Variants in RHOU observed in about 807,000 individuals in gnomAD.
RHOU encodes the protein rho-related GTP-binding protein RhoU.
In RHOU, 8 loss-of-function variants were observed where a neutral mutation model predicts 12.6. The observed-to-expected ratio is 0.64, with a 90% CI of 0.37 to 1.15. The LOEUF (loss-of-function observed/expected upper bound fraction) is 1.15, where lower values mean the gene tolerates loss of function less well. RHOU is among the 50% of genes most tolerant of loss of function. The pLI is 0.01. For synonymous variants in RHOU, 161 were observed against 147.4 expected (o/e 1.09, Z -0.67); for missense variants, 258 against 347.0 (o/e 0.74, Z 2.04).
rs574319509 is a variant in RHOU, at chr1:228,744,770, T to C, written c.*1030T>C. On this transcript the variant is annotated 3_prime_UTR_variant, in exon 3 of 3. Transcript: ENST00000366691. Reference sequence around the variant, plus strand: ...ACCCATGCACACTCATGCACACAGATACATAGGTCTGTATGGCTGTATTTG... The same window carrying C: ...ACCCATGCACACTCATGCACACAGACACATAGGTCTGTATGGCTGTATTTG... 6.6e-6 allele frequency: 1 copy of C among 152,326 alleles called. No homozygotes were observed. Among genetic ancestry groups the C allele is most frequent in the African/African-American group, 2.4e-5 (1 of 41,578 alleles). 9.4% of individuals were successfully genotyped at this position (152,326 alleles called of 1,614,324 possible).
the RHOU span, among the ~76,000 whole-genome samples, chr1:228,710,206 T>C: frequency 3.9e-5 from 6 of 152,148 alleles, no homozygotes; most frequent in East Asian, 1.9e-4. Flanking sequence ...ACCAGATGGA[T>C]TCACAGCCAA....
At chr1:228,715,917 T>A in the RHOU span, among the ~76,000 whole-genome samples, 1 of 113,076 alleles carries the variant, frequency 8.8e-6, no homozygotes, top group Non-Finnish European at 1.9e-5. Context: ...AGTATGAACT[T>A]TTTTTTTTTT....
chr1:228,650,170 C>T, the RHOU span: 2 of 456,528 alleles, frequency 4.4e-6, no homozygotes, highest in African/African-American at 2.0e-5. Flanking sequence ...CGGTTAGGGC[C>T]TAGTTCCATC....
the RHOU span, among the ~76,000 whole-genome samples, chr1:228,675,783 C>T: frequency 6.6e-6 from 1 of 152,056 alleles, no homozygotes; most frequent in Non-Finnish European, 1.5e-5. Flanking sequence ...AGAGATCTTA[C>T]AGGAGTTTAT....
At chr1:228,715,521 T>G in the RHOU span, among the ~76,000 whole-genome samples, 1 of 152,138 alleles carries the variant, frequency 6.6e-6, no homozygotes. Flanking sequence ...TTCGGTAATA[T>G]TTATACTTTA....
chr1:228,652,983 G>C, the RHOU span, among the ~76,000 whole-genome samples: 1 of 152,156 alleles, frequency 6.6e-6, no homozygotes, highest in East Asian at 1.9e-4. Context: ...ATTTTTAATG[G>C]AAATGTAATT....
chr1:228,705,503 A>AT, the RHOU span, among the ~76,000 whole-genome samples: 285 of 152,140 alleles, frequency 1.9e-3, no homozygotes, highest in South Asian at 6.2e-3. Flanking sequence ...TTAGCTAATG[A>AT]TTTTTTTCCC....
At chr1:228,732,767 G>A (rs185053629), upstream of RHOU, among the ~76,000 whole-genome samples, 59 of 152,292 alleles carry the variant, frequency 3.9e-4, no homozygotes, top group Admixed American at 3.9e-3. Flanking sequence ...GCCAGATGGA[G>A]GGGCAAAGCC....
the RHOU span, among the ~76,000 whole-genome samples, chr1:228,711,290 C>G: frequency 7.2e-5 from 11 of 152,014 alleles, no homozygotes; most frequent in South Asian, 2.3e-3. Flanking sequence ...ACTTTCTTCA[C>G]AGAATTGGAA....
At chr1:228,741,905 G>A (rs934089705) in intron 2 of RHOU, among the ~76,000 whole-genome samples, 5 of 152,194 alleles carry the variant, frequency 3.3e-5, no homozygotes, top group African/African-American at 1.2e-4. Context: ...TGACTTTAAT[G>A]TGATTAGTTG....
At chr1:228,662,754 A>T in the RHOU span, among the ~76,000 whole-genome samples, 24 of 152,180 alleles carry the variant, frequency 1.6e-4, no homozygotes, top group Non-Finnish European at 3.1e-4. Context: ...TGGATGCAGC[A>T]AACCAACATG....
chr1:228,666,108 C>T, the RHOU span, among the ~76,000 whole-genome samples: 1 of 151,960 alleles, frequency 6.6e-6, no homozygotes, highest in African/African-American at 2.4e-5. Context: ...CAGGCGTGCA[C>T]CACCATGCCT....
the RHOU span, among the ~76,000 whole-genome samples, chr1:228,649,844 A>G: frequency 2.6e-5 from 4 of 152,324 alleles, no homozygotes; most frequent in East Asian, 7.7e-4. Flanking sequence ...TTTCAGTTAT[A>G]TTTTATGGGT....
the RHOU span, among the ~76,000 whole-genome samples, chr1:228,698,364 CTGTT>C: frequency 4.6e-5 from 7 of 152,332 alleles, no homozygotes; most frequent in African/African-American, 2.4e-5. Context: ...ACCAAGCAGT[CTGTT>C]TGTTAATACC....
chr1:228,649,614 T>C, the RHOU span, among the ~76,000 whole-genome samples: 2 of 152,242 alleles, frequency 1.3e-5, no homozygotes, highest in Admixed American at 6.5e-5. Context: ...TTTGATGCTG[T>C]TTTGATAAAG....
chr1:228,723,582 G>C, the RHOU span, among the ~76,000 whole-genome samples: 1 of 152,236 alleles, frequency 6.6e-6, no homozygotes, highest in Non-Finnish European at 1.5e-5. Flanking sequence ...GGTGGACCCA[G>C]TTTCTAATGG....
At chr1:228,699,322 C>A in the RHOU span, among the ~76,000 whole-genome samples, 4 of 151,048 alleles carry the variant, frequency 2.6e-5, no homozygotes, top group African/African-American at 9.7e-5. Flanking sequence ...GTGGTGTGTG[C>A]CTGTGGTCTC....
chr1:228,733,559 A>G (rs1308263138), upstream of RHOU, among the ~76,000 whole-genome samples: 1 of 152,236 alleles, frequency 6.6e-6, no homozygotes, highest in Admixed American at 6.5e-5. Flanking sequence ...TGACTGCTTC[A>G]GCCCCCCAAA....
At chr1:228,646,661 C>T in the RHOU span, among the ~76,000 whole-genome samples, 1 of 147,332 alleles carries the variant, frequency 6.8e-6, no homozygotes, top group East Asian at 2.1e-4. Context: ...CTAGAGGCGG[C>T]GGCCTGATCT....
Sources: gnomAD v4.1 joint callset for allele counts (sites outside exome capture counted in the v4.1 genomes callset) on GRCh38, gnomAD v4.1.1 for gene constraint, MANE v1.5 for transcripts, NCBI Gene and HGNC (gene_info 2026-07-23, HGNC 2026-07-21) for gene names.